Variants in GLB1L2 observed in about 807,000 individuals in gnomAD.
The protein encoded by GLB1L2 is galactosidase beta 1 like 2, also known as beta-galactosidase-1-like protein 2.
Under a neutral mutation model 84.1 loss-of-function variants are expected in GLB1L2, and 68 were observed. That is an observed-to-expected ratio of 0.81 (90% confidence interval 0.67 to 0.99). The LOEUF is 0.99. Ranked by LOEUF, GLB1L2 falls within the 50% of genes least tolerant of loss-of-function variation. The pLI is 0.00. For synonymous variants in GLB1L2, 290 were observed against 318.0 expected (o/e 0.91, Z 0.94); for missense variants, 762 against 805.6 (o/e 0.95, Z 0.66).
chr11:134,362,688 T>C (rs1041970904), intron 7 of GLB1L2, among the ~76,000 whole-genome samples: 3 of 152,286 alleles, frequency 2.0e-5, no homozygotes, highest in African/African-American at 7.2e-5. Flanking sequence ...CTTCCCGCCC[T>C]CCCCTCCACC....
At chr11:134,344,749 G>T (rs553842526) in intron 3 of GLB1L2, among the ~76,000 whole-genome samples, 1 of 152,230 alleles carries the variant, frequency 6.6e-6, no homozygotes, top group African/African-American at 2.4e-5. Context: ...GGGGCAGGGC[G>T]GCCCCTCTAG....
At position 134,375,044 on chromosome 11, in the gene GLB1L2, C is replaced by A; in HGVS notation, c.1897C>A (p.Gln633Lys). ...GGAAACCCCCCACCTGGGCAGGAAC[C>A]AGTACATTAAGTGAGCGGTGGCACC... ...FTETPHLGRN[Q>K]YIK The change falls in exon 19 of 19, where the codon CAG (glutamine) becomes AAG (lysine). Residue 633 changes from glutamine to lysine, a missense_variant. By Grantham distance (53) the Gln-to-Lys change is moderately conservative. Coordinates refer to ENST00000535456, the MANE Select transcript of GLB1L2 (RefSeq NM_001370461.1). 6.2e-7 allele frequency: 1 copy of A among 1,613,646 alleles called. No individual in the cohort carries two copies. Among genetic ancestry groups the A allele is most frequent in the Non-Finnish European group, 8.5e-7 (1 of 1,179,900 alleles).
At position 134,356,360 on chromosome 11, in the gene GLB1L2, TA is replaced by T; in HGVS notation, c.621del (p.Asp208ThrfsTer22). On this transcript the variant is annotated frameshift_variant, in exon 6 of 19. Transcript: ENST00000535456. LOFTEE classifies it high-confidence loss of function. ...QVENEYGSYN[K>X]DPAYMPYVKK... ...TGGAGAATGAATATGGTTCCTATAA[TA>T]AAGACCCCGCATACATGCCCTACGT... The T allele has an allele frequency of 1.9e-6, 3 of 1,613,936 alleles. No homozygotes were observed. The highest frequency in any genetic ancestry group is 2.5e-6 in the Non-Finnish European group (3 of 1,179,836).
At chr11:134,332,388 C>T (rs1361613100) in intron 1 of GLB1L2, among the ~76,000 whole-genome samples, 3 of 152,028 alleles carry the variant, frequency 2.0e-5, no homozygotes, top group Non-Finnish European at 2.9e-5. Flanking sequence ...GGCGTCTGTG[C>T]CCCGAGCCGC....
intron 6 of GLB1L2, among the ~76,000 whole-genome samples, chr11:134,358,065 T>G (rs987149660): frequency 1.1e-4 from 17 of 152,244 alleles, no homozygotes; most frequent in African/African-American, 3.9e-4. Flanking sequence ...GAGCCCCCTC[T>G]GCTCTTTCCT....
intron 8 of GLB1L2, among the ~76,000 whole-genome samples, chr11:134,365,668 C>T (rs139183993): frequency 5.3e-5 from 8 of 152,330 alleles, no homozygotes; most frequent in East Asian, 1.9e-4. Flanking sequence ...GGGGTAGCCA[C>T]GCGCGAGCCT....
Position 134,375,330 on chromosome 11 carries a change from A to G in GLB1L2, c.*272A>G, listed in dbSNP as rs1944011596. ...GTCGGGCTGTCTCTAGGGTGGGAGC[A>G]GCTAATCAGATCGCCCAGCCTTTGG... On this transcript the variant is annotated 3_prime_UTR_variant, in exon 19 of 19. Transcript: ENST00000535456. The G allele has an allele frequency of 2.3e-6, 1 of 427,806 alleles. No homozygotes were observed. 26.5% of individuals were successfully genotyped at this position (427,806 alleles called of 1,614,324 possible). A position where few individuals can be genotyped will look rare whatever the true frequency, so the allele number is the denominator to read the frequency against.
chr11:134,372,867 C>T (rs1419148665), intron 15 of GLB1L2, among the ~76,000 whole-genome samples: 1 of 152,192 alleles, frequency 6.6e-6, no homozygotes, highest in African/African-American at 2.4e-5. Flanking sequence ...ACTCCTTTAC[C>T]CTAGACAGCT....
chr11:134,345,052 C>T lies in GLB1L2; in HGVS notation c.372C>T (p.Ala124=), dbSNP rs375363168. ...TCCCTAGGGCCTTCGTCCTGATGGC[C>T]GCAGAGATCGGGCTGTGGGTGATTC... ...NLDLEAFVLM[A]AEIGLWVILR... The change falls in exon 4 of 19, where the codon GCC becomes GCT. Residue 124 remains alanine, a synonymous_variant. Coordinates refer to ENST00000535456, the MANE Select transcript of GLB1L2 (RefSeq NM_001370461.1). 113 of 1,612,788 alleles carry T rather than the reference C, an allele frequency of 7.0e-5. No homozygotes were observed. The highest frequency in any genetic ancestry group is 6.0e-4 in the Admixed American group (36 of 59,934).
chr11:134,345,544 T>C (rs774669397), intron 4 of GLB1L2, among the ~76,000 whole-genome samples: 14 of 152,150 alleles, frequency 9.2e-5, no homozygotes, highest in Admixed American at 2.0e-4. Flanking sequence ...GATCTTGGCT[T>C]ACTGCAACCT....
chr11:134,367,483 T>G, intron 9 of GLB1L2, 142 bp downstream of exon 9: 1 of 642,616 alleles, frequency 1.6e-6, no homozygotes, highest in South Asian at 2.1e-5. Flanking sequence ...CTTTGGATAT[T>G]CCTGAGTCAT....
At position 134,338,971 on chromosome 11, in the gene GLB1L2, C is replaced by T. The variant is rs1176803640; in HGVS notation, c.87-3783C>T. ...TTCAGGGTTTGCTGTCCGGACTCTT[C>T]TAAGGTGGAAAAATCGCTTTGGATA... On this transcript the variant is annotated intron_variant, in intron 1 of 18. Transcript: ENST00000535456. This position sits in a 1 kb window ranked among gnomAD's most constrained non-coding sequence, Gnocchi z 6.2. 2.0e-5 allele frequency among the ~76,000 whole-genome samples: 3 copies of T among 152,162 alleles called. No homozygotes were observed. The highest frequency in any genetic ancestry group is 2.0e-4 in the Admixed American group (3 of 15,280).
intron 15 of GLB1L2, among the ~76,000 whole-genome samples, chr11:134,373,503 C>T (rs1248747161): frequency 6.6e-6 from 1 of 152,174 alleles, no homozygotes; most frequent in Non-Finnish European, 1.5e-5. Flanking sequence ...TAGGGTCTTC[C>T]TCCTTCCCGT....
At chr11:134,364,474 C>T in intron 8 of GLB1L2, 76 bp downstream of exon 8, 2 of 1,176,728 alleles carry the variant, frequency 1.7e-6, no homozygotes, top group Non-Finnish European at 2.5e-6. Flanking sequence ...TGTCAGCGTG[C>T]TCAGCTTCCC....
intron 2 of GLB1L2, 32 bp downstream of exon 2, chr11:134,342,983 G>C: frequency 1.9e-6 from 3 of 1,582,194 alleles, no homozygotes; most frequent in Non-Finnish European, 2.6e-6. Context: ...CCGGAGCCTG[G>C]TTCCTAAGCA....
rs1052700137 is a variant in GLB1L2, at chr11:134,339,524, A to C, written c.87-3230A>C. 7.9e-5 allele frequency among the ~76,000 whole-genome samples: 12 copies of C among 152,124 alleles called. No homozygotes were observed. Among genetic ancestry groups the C allele is most frequent in the Admixed American group, 7.9e-4 (12 of 15,280 alleles). On this transcript the variant is annotated intron_variant, in intron 1 of 18. Transcript: ENST00000535456. The surrounding 1 kb of genome is among the most constrained non-coding windows in gnomAD (Gnocchi z 5.7). ...TACCAGAAAATTCCCATGAAGAAAC[A>C]GTTGAATTCACCAGAATTTGGAATT...
intron 15 of GLB1L2, among the ~76,000 whole-genome samples, chr11:134,372,241 G>C (rs1238810037): frequency 6.6e-6 from 1 of 152,124 alleles, no homozygotes; most frequent in East Asian, 1.9e-4. Flanking sequence ...ATCCATCTTG[G>C]GAAAGCTTAT....
chr11:134,367,910 G>A (rs192550912), intron 9 of GLB1L2, among the ~76,000 whole-genome samples: 8 of 152,318 alleles, frequency 5.3e-5, no homozygotes, highest in African/African-American at 9.6e-5. Context: ...ACGCCATCCC[G>A]GCGAGCATCC....
rs199806710 is a variant in GLB1L2 at position 134,339,197 on chromosome 11, T to C, written c.87-3557T>C. Among the ~76,000 whole-genome samples, 2 of 152,264 alleles carry C rather than the reference T, an allele frequency of 1.3e-5. No individual in the cohort carries two copies. The highest frequency in any genetic ancestry group is 3.9e-4 in the East Asian group (2 of 5,182). On this transcript the variant is annotated intron_variant, in intron 1 of 18. Transcript: ENST00000535456. This position sits in a 1 kb window ranked among gnomAD's most constrained non-coding sequence, Gnocchi z 5.7. ...CTTGGTATCAAGCCTAATTTAGGAG[T>C]AAAGTCTTGCTGACCTTTAAACCAA...
Sources: allele counts gnomAD v4.1 joint callset (sites outside exome capture counted in the v4.1 genomes callset), GRCh38; gene constraint gnomAD v4.1.1; non-coding constraint Gnocchi (gnomAD v3.1); transcripts MANE v1.5; gene names NCBI Gene and HGNC (gene_info 2026-07-23, HGNC 2026-07-21).